Variants in ZNF804B observed in about 807,000 individuals in gnomAD.
The protein encoded by ZNF804B is zinc finger protein 804B.
In ZNF804B, 80 loss-of-function variants were observed where a neutral mutation model predicts 101.4. The observed-to-expected ratio is 0.79, with a 90% CI of 0.66 to 0.95. The LOEUF is 0.95. Ranked by LOEUF, ZNF804B falls within the 40% of genes least tolerant of loss-of-function variation. The pLI is 0.00. For missense variants in ZNF804B, 1,673 were observed against 1,561.9 expected (o/e 1.07, Z -1.20); for synonymous variants, 622 against 558.8 (o/e 1.11, Z -1.59).
chr7:89,027,612 G>C (rs1022993626), intron 1 of ZNF804B, among the ~76,000 whole-genome samples: 2 of 151,976 alleles, frequency 1.3e-5, no homozygotes, highest in Non-Finnish European at 2.9e-5. Context: ...ATATTCTCTC[G>C]CTCTCCCTCT....
intron 1 of ZNF804B, among the ~76,000 whole-genome samples, chr7:88,856,168 T>C (rs943816401): frequency 1.3e-5 from 2 of 152,196 alleles, no homozygotes; most frequent in Non-Finnish European, 2.9e-5. Context: ...TGATGGGGGA[T>C]GGCAATGAAT....
chr7:88,844,539 C>A (rs1243972966), intron 1 of ZNF804B, among the ~76,000 whole-genome samples: 1 of 152,130 alleles, frequency 6.6e-6, no homozygotes, highest in Non-Finnish European at 1.5e-5. Flanking sequence ...TGGTTAAATT[C>A]ATATTATAGT....
intron 1 of ZNF804B, among the ~76,000 whole-genome samples, chr7:88,949,296 T>TA (rs1437519387): frequency 6.6e-6 from 1 of 151,216 alleles, no homozygotes; most frequent in Non-Finnish European, 1.5e-5. Context: ...CACTTTAGAA[T>TA]GTTTAGCAGC....
chr7:89,314,927 G>C (rs113553529), intron 2 of ZNF804B, among the ~76,000 whole-genome samples: 1 of 152,154 alleles, frequency 6.6e-6, no homozygotes, highest in Non-Finnish European at 1.5e-5. Context: ...TGTTCACCAA[G>C]TTCCTACTGG....
chr7:89,039,464 A>G (rs1415506950), intron 1 of ZNF804B, among the ~76,000 whole-genome samples: 1 of 151,962 alleles, frequency 6.6e-6, no homozygotes, highest in Non-Finnish European at 1.5e-5. Context: ...TTATGCTATT[A>G]TAAATGAAAT....
At chr7:89,242,333 T>G (rs10435311) in intron 2 of ZNF804B, among the ~76,000 whole-genome samples, 43,943 of 151,686 alleles carry the variant, frequency 0.29, 6,578 homozygotes, top group South Asian at 0.34. Flanking sequence ...ACATCTCAAT[T>G]GATTTTGCTT....
chr7:89,149,885 C>T (rs1790846969), intron 1 of ZNF804B, among the ~76,000 whole-genome samples: 1 of 151,854 alleles, frequency 6.6e-6, no homozygotes, highest in Non-Finnish European at 1.5e-5. Flanking sequence ...GACAGTTGGA[C>T]TCAACTACTG....
intron 1 of ZNF804B, among the ~76,000 whole-genome samples, chr7:89,194,413 C>G (rs1260501583): frequency 6.6e-6 from 1 of 150,622 alleles, no homozygotes; most frequent in East Asian, 1.9e-4. Flanking sequence ...ATGGTAATGC[C>G]TAGGTTTTCT....
chr7:89,279,835 A>T (rs1208865), intron 2 of ZNF804B, among the ~76,000 whole-genome samples: 10 of 151,608 alleles, frequency 6.6e-5, no homozygotes, highest in African/African-American at 1.7e-4. Context: ...TGTCTCTGCC[A>T]GGCTTTGGTA....
intron 2 of ZNF804B, among the ~76,000 whole-genome samples, chr7:89,281,272 A>C (rs566504025): frequency 6.6e-6 from 1 of 152,294 alleles, no homozygotes; most frequent in South Asian, 2.1e-4. Flanking sequence ...GGGAGAAAAA[A>C]CCAATAGCTC....
chr7:89,072,999 G>A (rs1250685649), intron 1 of ZNF804B, among the ~76,000 whole-genome samples: 1 of 152,054 alleles, frequency 6.6e-6, no homozygotes, highest in Non-Finnish European at 1.5e-5. Flanking sequence ...CCCTCAATCA[G>A]AGATTATGGA....
intron 2 of ZNF804B, among the ~76,000 whole-genome samples, chr7:89,312,400 G>A (rs994041250): frequency 6.6e-6 from 1 of 152,034 alleles, no homozygotes; most frequent in Admixed American, 6.6e-5. Context: ...AGCACATGTC[G>A]AACGAATCCT....
chr7:88,770,315 C>T (rs945381613), intron 1 of ZNF804B, among the ~76,000 whole-genome samples: 1 of 152,084 alleles, frequency 6.6e-6, no homozygotes, highest in Non-Finnish European at 1.5e-5. Context: ...TCACAAGGGT[C>T]ATAAGAGGGA....
chr7:89,016,530 G>C (rs1259481455), intron 1 of ZNF804B, among the ~76,000 whole-genome samples: 1 of 150,282 alleles, frequency 6.7e-6, no homozygotes, highest in Non-Finnish European at 1.5e-5. Flanking sequence ...TGTAAGGAAG[G>C]GATCCAGTTT....
At chr7:89,296,164 T>C (rs974258962) in intron 2 of ZNF804B, among the ~76,000 whole-genome samples, 1 of 152,034 alleles carries the variant, frequency 6.6e-6, no homozygotes, top group African/African-American at 2.4e-5. Context: ...TAAATACATA[T>C]GTACATACAT....
intron 1 of ZNF804B, among the ~76,000 whole-genome samples, chr7:89,148,423 A>G (rs1314678879): frequency 2.6e-5 from 4 of 152,112 alleles, no homozygotes; most frequent in African/African-American, 7.2e-5. Flanking sequence ...TGAGCAGGAA[A>G]GGAAAGAGAA....
intron 1 of ZNF804B, among the ~76,000 whole-genome samples, chr7:88,853,085 T>TAG (rs1320888299): frequency 6.6e-6 from 1 of 152,102 alleles, no homozygotes; most frequent in Non-Finnish European, 1.5e-5. Flanking sequence ...AAGGCAACAT[T>TAG]AGATAGGTAT....
At chr7:89,002,134 AC>A (rs1437134415) in intron 1 of ZNF804B, among the ~76,000 whole-genome samples, 1 of 151,634 alleles carries the variant, frequency 6.6e-6, no homozygotes, top group African/African-American at 2.4e-5. Context: ...GAGATCAAAA[AC>A]TAAAACACTG....
intron 2 of ZNF804B, among the ~76,000 whole-genome samples, chr7:89,221,461 T>C (rs1178895582): frequency 7.0e-6 from 1 of 142,458 alleles, no homozygotes; most frequent in Admixed American, 7.1e-5. Context: ...GAGATGGCAT[T>C]CTTGTCAGTG....
Sources: allele counts gnomAD v4.1 joint callset (sites outside exome capture counted in the v4.1 genomes callset), GRCh38; gene constraint gnomAD v4.1.1; transcripts MANE v1.5; gene names NCBI Gene and HGNC (gene_info 2026-07-23, HGNC 2026-07-21).